Variants in CLIP2 observed in about 807,000 individuals in gnomAD.
The protein encoded by CLIP2 is CAP-Gly domain containing linker protein 2, also known as CAP-Gly domain-containing linker protein 2.
Under a neutral mutation model 111.7 loss-of-function variants are expected in CLIP2, and 41 were observed. The ratio of observed to expected loss-of-function variants is 0.37; its 90% confidence interval spans 0.29 to 0.48. The LOEUF (loss-of-function observed/expected upper bound fraction) is 0.48. Among genes scored for constraint, CLIP2 ranks in the 20% least tolerant of loss-of-function variants. The pLI is 0.99. For missense variants in CLIP2, 1,160 were observed against 1,422.1 expected (o/e 0.82, Z 2.96); for synonymous variants, 660 against 644.2 (o/e 1.02, Z -0.37).
Position 74,339,016 on chromosome 7 carries a change from C to A in CLIP2, c.678+12C>A. 6.3e-7 allele frequency: 1 copy of A among 1,581,280 alleles called. No individual in the cohort carries two copies. The highest frequency in any genetic ancestry group is 8.6e-7 in the Non-Finnish European group (1 of 1,167,930). ...GGGACCGCGTGCTGGTGAGTGCGGG[C>A]AGTACTGGGCTCTGGGCCCAGCTTC... On this transcript the variant is annotated intron_variant, in intron 3 of 16. Transcript: ENST00000223398.
At position 74,327,955 on chromosome 7, in the gene CLIP2, G is replaced by A. The variant is rs3801463; in HGVS notation, c.121+10288G>A. ...CTCTGTTCTCCTGGTTTGGGAGGAG[G>A]GGGCACAGAAGTGGGGTTTGGAGTT... On this transcript the variant is annotated intron_variant, in intron 2 of 16. Coordinates refer to ENST00000223398, the MANE Select transcript of CLIP2 (RefSeq NM_003388.5). Among the ~76,000 whole-genome samples the A allele has an allele frequency of 1.1e-4, 16 of 152,312 alleles. No individual in the cohort carries two copies. In the East Asian group the frequency reaches 3.1e-3, roughly 29 times the overall value.
intron 2 of CLIP2, among the ~76,000 whole-genome samples, chr7:74,333,944 C>T (rs1262357329): frequency 2.6e-5 from 4 of 152,208 alleles, no homozygotes; most frequent in Non-Finnish European, 5.9e-5. Context: ...GGATATGGAC[C>T]GAGGAAGCTC....
chr7:74,358,051 G>GTTT (rs782071365), intron 6 of CLIP2, among the ~76,000 whole-genome samples: 1 of 111,396 alleles, frequency 9.0e-6, no homozygotes, highest in Admixed American at 9.8e-5. Context: ...CACTGCAAGG[G>GTTT]TTTTTTTTTT....
In CLIP2 at chr7:74,338,585, G is replaced by C; in HGVS notation, c.259G>C (p.Val87Leu). The change falls in exon 3 of 17, where the codon GTG becomes CTG. Residue 87 changes from valine to leucine, a missense_variant. Val to Leu is a conservative substitution (Grantham distance 32, BLOSUM62 1). Around this residue, in one of 5 missense-constraint regions of CLIP2, gnomAD observed 301 missense variants for 315.2 expected, o/e 0.96. Coordinates refer to ENST00000223398, the MANE Select transcript of CLIP2 (RefSeq NM_003388.5). The surrounding 1 kb of genome is among the most constrained non-coding windows in gnomAD (Gnocchi z 4.3). ...GDFVVGERVW[V>L]NGVKPGVVQY... ...CTTTGTGGTGGGCGAGCGGGTGTGGGTGAACGGCGTGAAGCCAGGCGTGGT... is the reference window on the plus strand; with the variant it reads ...CTTTGTGGTGGGCGAGCGGGTGTGGCTGAACGGCGTGAAGCCAGGCGTGGT... 1 of 1,572,044 alleles carries C rather than the reference G, an allele frequency of 6.4e-7. No individual in the cohort carries two copies. The highest frequency in any genetic ancestry group is 8.6e-7 in the Non-Finnish European group (1 of 1,160,176).
At chr7:74,382,474 T>C (rs1257111750) in intron 11 of CLIP2, among the ~76,000 whole-genome samples, 60 of 147,288 alleles carry the variant, frequency 4.1e-4, no homozygotes, top group South Asian at 2.6e-3. Context: ...CCTGCTAATT[T>C]TTTTTTTTTT....
Position 74,397,244 on chromosome 7 carries a change from TA to T in CLIP2, c.2880+12del. The T allele has an allele frequency of 1.2e-6, 2 of 1,610,098 alleles. No individual in the cohort carries two copies. The highest frequency in any genetic ancestry group is 1.7e-6 in the Non-Finnish European group (2 of 1,178,684). On this transcript the variant is annotated intron_variant, in intron 14 of 16. Coordinates refer to ENST00000223398, the MANE Select transcript of CLIP2 (RefSeq NM_003388.5). Reference sequence around the variant, plus strand: ...AAGCTGACCGGGCTGGTATGTGGGGTAGGGGTGGCCTAGGGGCAGGGGCACT... The same window carrying T: ...AAGCTGACCGGGCTGGTATGTGGGGTGGGGTGGCCTAGGGGCAGGGGCACT...
intron 1 of CLIP2, among the ~76,000 whole-genome samples, chr7:74,308,283 A>G (rs566711296): frequency 2.0e-5 from 3 of 152,276 alleles, no homozygotes; most frequent in Non-Finnish European, 2.9e-5. Context: ...TGCCAGGGAC[A>G]GGGTTCTCAC....
rs146585826 is a variant in CLIP2 at position 74,371,732 on chromosome 7, A to C, written c.1381-1200A>C. On this transcript the variant is annotated intron_variant, in intron 8 of 16. Transcript: ENST00000223398. Reference sequence around the variant, plus strand: ...AAAGTGGGAAGGAGAGGGGAGAGAGAAAGGGAAGGACAAAGAGGGAGAGGG... The same window carrying C: ...AAAGTGGGAAGGAGAGGGGAGAGAGCAAGGGAAGGACAAAGAGGGAGAGGG... 1.3e-3 allele frequency among the ~76,000 whole-genome samples: 190 copies of C among 148,952 alleles called. 1 individual carries two copies. The highest frequency in any genetic ancestry group is 4.5e-3 in the African/African-American group (182 of 40,242).
intron 3 of CLIP2, among the ~76,000 whole-genome samples, chr7:74,346,404 C>T (rs1450740601): frequency 6.6e-6 from 1 of 152,290 alleles, no homozygotes; most frequent in Non-Finnish European, 1.5e-5. Context: ...GAGGCTGCCA[C>T]TGGGGCCAGG....
Position 74,300,809 on chromosome 7 carries a change from A to G in CLIP2, c.-68+11075A>G. On this transcript the variant is annotated intron_variant, in intron 1 of 16. Coordinates refer to ENST00000223398, the MANE Select transcript of CLIP2 (RefSeq NM_003388.5). ...GCATTCCGTGGTAGACATATACCGC[A>G]TTTTCTTTATCCAGTCCTCCCTTGA... Among the ~76,000 whole-genome samples the G allele has an allele frequency of 1.3e-5, 2 of 152,002 alleles. 1 individual carries two copies.
chr7:74,343,676 C>G, intron 3 of CLIP2, among the ~76,000 whole-genome samples: 1 of 150,672 alleles, frequency 6.6e-6, no homozygotes, highest in African/African-American at 2.4e-5. Context: ...GCGGATCACT[C>G]AAGGTCAGGA....
intron 1 of CLIP2, among the ~76,000 whole-genome samples, chr7:74,308,301 C>T (rs1554728032): frequency 6.6e-6 from 1 of 152,136 alleles, no homozygotes; most frequent in Non-Finnish European, 1.5e-5. Context: ...CACGCCTGAT[C>T]TCTGCCTCAG....
chr7:74,322,497 A>C (rs1185589381), intron 2 of CLIP2, among the ~76,000 whole-genome samples: 1 of 151,868 alleles, frequency 6.6e-6, no homozygotes, highest in Non-Finnish European at 1.5e-5. Context: ...AATCCCAGCT[A>C]CCCAAGAGGC....
intron 14 of CLIP2, among the ~76,000 whole-genome samples, chr7:74,397,667 T>TG (rs1554316916): frequency 9.5e-5 from 2 of 21,038 alleles, no homozygotes. Context: ...GTTTTTTTTG[T>TG]TTTTTTTTTT....
At chr7:74,306,229 G>A (rs1196186485) in intron 1 of CLIP2, among the ~76,000 whole-genome samples, 1 of 152,108 alleles carries the variant, frequency 6.6e-6, no homozygotes, top group Non-Finnish European at 1.5e-5. Context: ...TGGCATGTGG[G>A]CAGGGGCTGT....
chr7:74,365,211 TG>T (rs1562712275), intron 8 of CLIP2, among the ~76,000 whole-genome samples: 1 of 152,030 alleles, frequency 6.6e-6, no homozygotes, highest in African/African-American at 2.4e-5. Context: ...CTGCAGGGGT[TG>T]GATGGACTTC....
chr7:74,397,276 G>T lies in CLIP2; in HGVS notation c.2880+43G>T, dbSNP rs782591170. 4 of 1,588,310 alleles carry T rather than the reference G, an allele frequency of 2.5e-6. No individual in the cohort carries two copies. The South Asian group carries it at 3.4e-5, about 14-fold the overall frequency. ...GGCCTAGGGGCAGGGGCACTAGTCC[G>T]GGTGGGGCTGGGCTAGCCTTGCTGT... On this transcript the variant is annotated intron_variant, in intron 14 of 16. Coordinates refer to ENST00000223398, the MANE Select transcript of CLIP2 (RefSeq NM_003388.5).
chr7:74,336,860 GTTTTTTTTTTT>G (rs376463523), intron 2 of CLIP2, among the ~76,000 whole-genome samples: 90,855 of 140,622 alleles, frequency 0.65, 30,018 homozygotes, highest in Non-Finnish European at 0.76. Flanking sequence ...TGTTTTTTTT[GTTTTTTTTTTT>G]TTTGTTTTTT....
chr7:74,401,544 C>G lies in CLIP2; in HGVS notation c.3106C>G (p.Gln1036Glu). Residue 1036 changes from glutamine to glutamate, a missense_variant, in exon 16 of 17, where the codon CAG becomes GAG. Gln to Glu is a conservative substitution (Grantham distance 29, BLOSUM62 2). Coordinates refer to ENST00000223398, the MANE Select transcript of CLIP2 (RefSeq NM_003388.5). ...NSGSANGIHQ[Q>E]DKAQKQEDKH ...CGGTTCTGCAAACGGCATCCACCAG[C>G]AGGACAAAGCTCAGAAACAAGAGGT... 1 of 1,614,042 alleles carries G rather than the reference C, an allele frequency of 6.2e-7. No homozygotes were observed. The highest frequency in any genetic ancestry group is 8.5e-7 in the Non-Finnish European group (1 of 1,179,986).
Sources: gnomAD v4.1 joint callset for allele counts (sites outside exome capture counted in the v4.1 genomes callset) on GRCh38, gnomAD v4.1.1 for gene constraint, gnomAD v4.1.1 regional missense constraint, Gnocchi (gnomAD v3.1) non-coding constraint, MANE v1.5 for transcripts, NCBI Gene and HGNC (gene_info 2026-07-23, HGNC 2026-07-21) for gene names.